The following ZNF638 variants were observed in gnomAD, a reference collection of about 807,000 sequenced individuals.
ZNF638 encodes the protein CTCL tumor antigen se33-1.
ZNF638 carries 46 observed loss-of-function variants against 195.6 expected under a neutral mutation model. The ratio of observed to expected loss-of-function variants is 0.24; its 90% CI spans 0.19 to 0.30. The LOEUF is 0.30. ZNF638 is among the 10% of genes least tolerant of loss of function. The pLI, the probability that ZNF638 is intolerant of heterozygous loss-of-function variation, is 1.00. For missense variants in ZNF638, 2,440 were observed against 2,325.3 expected (o/e 1.05, Z -1.01); for synonymous variants, 845 against 772.0 (o/e 1.09, Z -1.57).
chr2:71,369,839 T>G, intron 7 of ZNF638, 44 bp from the exon 8 acceptor site: 2 of 1,538,182 alleles, frequency 1.3e-6, no homozygotes, highest in Non-Finnish European at 1.7e-6. Context: ...CAGGAACTTT[T>G]AAAGATAGAT....
intron 14 of ZNF638, 55 bp downstream of exon 14, chr2:71,400,235 T>TA: frequency 7.3e-7 from 1 of 1,366,182 alleles, no homozygotes; most frequent in South Asian, 1.3e-5. Flanking sequence ...ACCAATGCCA[T>TA]ACCTAAGTGA....
intron 1 of ZNF638, chr2:71,332,881 T>A (rs1280332037): frequency 6.6e-6 from 1 of 152,172 alleles, no homozygotes; most frequent in East Asian, 1.9e-4. Context: ...GGAGTCCCGA[T>A]GAAAAACTTG....
intron 21 of ZNF638, among the ~76,000 whole-genome samples, chr2:71,422,167 G>C (rs768831998): frequency 1.3e-5 from 2 of 151,924 alleles, no homozygotes; most frequent in Admixed American, 1.3e-4. Context: ...TTCACATAAG[G>C]TGATTATATC....
At chr2:71,345,405 A>G (rs925910140) in intron 1 of ZNF638, among the ~76,000 whole-genome samples, 11 of 152,114 alleles carry the variant, frequency 7.2e-5, no homozygotes, top group Non-Finnish European at 1.6e-4. Context: ...TATTTATATG[A>G]ATTTTTTGAG....
At chr2:71,408,658 C>T in intron 20 of ZNF638, 1 of 361,076 alleles carries the variant, frequency 2.8e-6, no homozygotes, top group South Asian at 2.3e-5. Flanking sequence ...AATAAGATTT[C>T]ACAGGTTCTT....
intron 1 of ZNF638, among the ~76,000 whole-genome samples, chr2:71,346,165 T>C (rs1370769276): frequency 6.6e-6 from 1 of 152,222 alleles, no homozygotes; most frequent in African/African-American, 2.4e-5. Context: ...GAAACATTAT[T>C]TGAAAGAGCT....
At chr2:71,363,079 A>ATG in intron 3 of ZNF638, 74 bp from the exon 4 acceptor site, 1 of 1,066,150 alleles carries the variant, frequency 9.4e-7, no homozygotes, top group Non-Finnish European at 1.4e-6. Flanking sequence ...CTTTTGATAT[A>ATG]TTACAGGTAA....
At chr2:71,380,068 C>A in intron 8 of ZNF638, 154 bp from the exon 9 acceptor site, 1 of 456,584 alleles carries the variant, frequency 2.2e-6, no homozygotes, top group Non-Finnish European at 3.9e-6. Context: ...TAAAATTAGG[C>A]TGTGTAATCA....
intron 10 of ZNF638, 36 bp from the exon 11 acceptor site, chr2:71,396,105 T>C: frequency 1.3e-6 from 2 of 1,588,476 alleles, no homozygotes; most frequent in South Asian, 2.3e-5. Flanking sequence ...ATGTTATTTG[T>C]AATGTAGTAC....
At chr2:71,335,147 C>T (rs1054011926) in intron 1 of ZNF638, among the ~76,000 whole-genome samples, 1 of 152,150 alleles carries the variant, frequency 6.6e-6, no homozygotes, top group African/African-American at 2.4e-5. Flanking sequence ...AGCGATGTTC[C>T]TGCCTCAGTC....
intron 6 of ZNF638, among the ~76,000 whole-genome samples, chr2:71,367,503 G>C (rs2079222673): frequency 7.2e-6 from 1 of 139,636 alleles, no homozygotes. Flanking sequence ...GCGTGATCTT[G>C]GCTCACACAA....
chr2:71,426,334 T>G (rs2080538996), intron 23 of ZNF638, 126 bp from the exon 24 acceptor site: 3 of 701,738 alleles, frequency 4.3e-6, no homozygotes, highest in Non-Finnish European at 2.3e-6. Context: ...AATTTTAGCC[T>G]TTAGGAAAAC....
chr2:71,420,690 A>T (rs1305943753), intron 21 of ZNF638, among the ~76,000 whole-genome samples: 1 of 152,192 alleles, frequency 6.6e-6, no homozygotes, highest in African/African-American at 2.4e-5. Flanking sequence ...CATTTCCCAG[A>T]ATGTGGCTGT....
At chr2:71,432,153 T>C (rs1347668893) in intron 26 of ZNF638, among the ~76,000 whole-genome samples, 2 of 152,222 alleles carry the variant, frequency 1.3e-5, no homozygotes, top group Admixed American at 1.3e-4. Flanking sequence ...CCCATCATTC[T>C]ACCTCTTCTC....
At chr2:71,402,138 G>C (rs1240793332) in intron 16 of ZNF638, 51 bp downstream of exon 16, 3 of 1,512,456 alleles carry the variant, frequency 2.0e-6, no homozygotes, top group Non-Finnish European at 2.7e-6. Flanking sequence ...TGCATGCTTT[G>C]AAAAACATTA....
intron 11 of ZNF638, among the ~76,000 whole-genome samples, chr2:71,398,380 T>C (rs551493667): frequency 7.2e-5 from 11 of 152,264 alleles, no homozygotes; most frequent in African/African-American, 2.6e-4. Flanking sequence ...TACATGGGAA[T>C]TTCCCTCTTG....
At position 71,349,220 on chromosome 2, in the gene ZNF638, T is replaced by C. The variant is rs2104173994; in HGVS notation, c.266T>C (p.Phe89Ser). Residue 89 changes from phenylalanine (F) to serine (S), a missense_variant, in exon 2 of 28, where the codon TTT (phenylalanine) becomes TCT (serine). By Grantham distance (155) the Phe-to-Ser change is radical. This residue lies in a region of ZNF638 where 191 missense variants were observed against 173.8 expected (regional missense o/e 1.10). Coordinates refer to ENST00000264447, the MANE Select transcript of ZNF638 (RefSeq NM_014497.5). ...DPRLTKEKLD[F>S]HEAQQKKGKP... The stretch of plus-strand genomic sequence containing the variant: ...AGATTGACCAAAGAAAAACTGGATT[T>C]TCATGAAGCACAACAGAAGAAGGGG... 6.2e-7 allele frequency: 1 copy of C among 1,614,120 alleles called. No homozygotes were observed. The highest frequency in any genetic ancestry group is 8.5e-7 in the Non-Finnish European group (1 of 1,180,026).
In ZNF638 at chr2:71,349,677, A is replaced by G; in HGVS notation, c.723A>G (p.Glu241=). 1 of 1,614,194 alleles carries G rather than the reference A, an allele frequency of 6.2e-7. No individual in the cohort carries two copies. The highest frequency in any genetic ancestry group is 8.5e-7 in the Non-Finnish European group (1 of 1,180,022). Reference sequence around the variant, plus strand: ...TTCCAACTGATGAGGTCGAGAATGAATTTCAGTCACAGCAGAACATTTCTG... The same window carrying G: ...TTCCAACTGATGAGGTCGAGAATGAGTTTCAGTCACAGCAGAACATTTCTG... ...PEIPTDEVEN[E]FQSQQNISAS... is the part of the protein sequence containing the mutation. Residue 241 remains glutamate (E), a synonymous_variant, in exon 2 of 28, where the codon GAA becomes GAG. Coordinates refer to ENST00000264447, the MANE Select transcript of ZNF638 (RefSeq NM_014497.5).
At position 71,434,631 on chromosome 2, in the gene ZNF638, ATAT is replaced by A. The variant is rs2080730643; in HGVS notation, c.5872-109_5872-107del. On this transcript the variant is annotated intron_variant, in intron 27 of 27. Coordinates refer to ENST00000264447, the MANE Select transcript of ZNF638 (RefSeq NM_014497.5). Reference sequence around the variant, plus strand: ...GGTTATATAAGGCACTGTGTTTATAATATTTTGTAGGATCAGTTTCTTTTAAAT... The same window carrying A: ...GGTTATATAAGGCACTGTGTTTATAATTTGTAGGATCAGTTTCTTTTAAAT... The A allele has an allele frequency of 2.6e-5, 23 of 890,674 alleles. No individual in the cohort carries two copies. In the South Asian group the frequency reaches 2.8e-4, roughly 11 times the overall value. 55.2% of individuals were successfully genotyped at this position (890,674 alleles called of 1,614,324 possible).
Sources: gnomAD v4.1 joint callset for allele counts (sites outside exome capture counted in the v4.1 genomes callset) on GRCh38, gnomAD v4.1.1 for gene constraint, gnomAD v4.1.1 regional missense constraint, MANE v1.5 for transcripts, NCBI Gene and HGNC (gene_info 2026-07-23, HGNC 2026-07-21) for gene names.